CNKSR3: variants seen among roughly 807,000 people sequenced by gnomAD.
The protein encoded by CNKSR3 is connector enhancer of kinase suppressor of ras 3.
A neutral mutation model predicts 67.7 loss-of-function variants in CNKSR3; 36 were observed. That is an observed-to-expected ratio of 0.53 (90% CI 0.41 to 0.70). CNKSR3 has a LOEUF of 0.70. CNKSR3 is among the 30% of genes least tolerant of loss of function. The pLI, the probability that CNKSR3 is intolerant of heterozygous loss-of-function variation, is 0.00. For synonymous variants in CNKSR3, 281 were observed against 271.4 expected, an observed-to-expected ratio of 1.04 and a Z score of -0.35; for missense variants, 630 against 695.2, an observed-to-expected ratio of 0.91 and a Z score of 1.05.
intron 1 of CNKSR3, among the ~76,000 whole-genome samples, chr6:154,475,559 G>A (rs1215240187): frequency 1.3e-5 from 2 of 152,172 alleles, no homozygotes; most frequent in African/African-American, 4.8e-5. Flanking sequence ...GACAGATGGG[G>A]CTGATTCTGC....
rs557039922 is a variant in CNKSR3, at chr6:154,424,048, C to T, written c.730-1065G>A. ...GAGATCGAGACCATCCTGGCTAACACGGTGAAATCCCGTCTCTACTAAAAA... is the reference window on the plus strand; with the variant it reads ...GAGATCGAGACCATCCTGGCTAACATGGTGAAATCCCGTCTCTACTAAAAA... On this transcript the variant is annotated intron_variant, in intron 7 of 12. Coordinates refer to ENST00000607772, the MANE Select transcript of CNKSR3 (RefSeq NM_173515.4). Among the ~76,000 whole-genome samples, 195 of 151,998 alleles carry T rather than the reference C, an allele frequency of 1.3e-3. 3 individuals are homozygous for T. In the South Asian group the frequency reaches 0.023, roughly 18 times the overall value.
chr6:154,470,169 A>G (rs6420138), intron 1 of CNKSR3, among the ~76,000 whole-genome samples: 2 of 142,428 alleles, frequency 1.4e-5, no homozygotes, highest in Non-Finnish European at 3.0e-5. Context: ...CTCCTGTAAT[A>G]AAGAACCTAC....
intron 12 of CNKSR3, among the ~76,000 whole-genome samples, chr6:154,408,631 C>T (rs188762268): frequency 5.3e-4 from 80 of 152,152 alleles, no homozygotes; most frequent in African/African-American, 1.7e-3. Context: ...TGAAGAAGGA[C>T]GGAATTGGGA....
intron 1 of CNKSR3, among the ~76,000 whole-genome samples, chr6:154,451,131 G>A (rs1785816704): frequency 2.6e-5 from 2 of 77,920 alleles, no homozygotes; most frequent in Admixed American, 2.9e-4. Flanking sequence ...ATGGTAAATG[G>A]GTTCGCTTAC....
chr6:154,412,382 C>G (rs1584053622), intron 10 of CNKSR3, among the ~76,000 whole-genome samples: 1 of 152,296 alleles, frequency 6.6e-6, no homozygotes, highest in East Asian at 1.9e-4. Flanking sequence ...TAATCCAGCT[C>G]TCCTCCTAGC....
At chr6:154,465,410 A>G (rs763168513) in intron 1 of CNKSR3, among the ~76,000 whole-genome samples, 2 of 152,138 alleles carry the variant, frequency 1.3e-5, no homozygotes, top group African/African-American at 2.4e-5. Flanking sequence ...CACTTTCTGC[A>G]TGGCAGGTGC....
chr6:154,413,540 T>G (rs1333951260), intron 10 of CNKSR3, among the ~76,000 whole-genome samples: 1 of 152,118 alleles, frequency 6.6e-6, no homozygotes, highest in Non-Finnish European at 1.5e-5. Flanking sequence ...ACATAGGTTT[T>G]TTTTCAAGTT....
intron 1 of CNKSR3, among the ~76,000 whole-genome samples, chr6:154,453,732 G>T (rs115773263): frequency 6.6e-6 from 1 of 151,964 alleles, no homozygotes; most frequent in Admixed American, 6.6e-5. Flanking sequence ...AAACTATTAC[G>T]CAGTCCCACA....
intron 2 of CNKSR3, among the ~76,000 whole-genome samples, chr6:154,444,649 A>G (rs1296540257): frequency 6.9e-6 from 1 of 144,524 alleles, no homozygotes; most frequent in Non-Finnish European, 1.5e-5. Context: ...CTCTGTCACC[A>G]GGCTGGAGTG....
rs1243167403 is a variant in CNKSR3, at chr6:154,399,853, G to A, written c.*6501C>T. On this transcript the variant is annotated 3_prime_UTR_variant, in exon 13 of 13. Transcript: ENST00000607772. ...TGGTGAAGAAATATCTTAAAATCCA[G>A]TTTTCACCCCTCTAACAATAAAGTT... The A allele has an allele frequency of 6.6e-6, 1 of 152,022 alleles. No individual in the cohort carries two copies. The highest frequency in any genetic ancestry group is 2.4e-5 in the African/African-American group (1 of 41,384). The allele number at this position is 152,022 out of a possible 1,614,324, so 9.4% of individuals were successfully genotyped here.
At chr6:154,505,643 GCC>G (rs1787085422) in intron 1 of CNKSR3, among the ~76,000 whole-genome samples, 1 of 150,780 alleles carries the variant, frequency 6.6e-6, no homozygotes, top group Non-Finnish European at 1.5e-5. Flanking sequence ...GACTACAGGC[GCC>G]CACCACCACA....
Position 154,441,379 on chromosome 6 carries a change from C to T in CNKSR3, c.420G>A (p.Arg140=). Residue 140 remains arginine, a splice_region_variant and synonymous_variant, in exon 4 of 13, where the codon CGG becomes CGA. Coordinates refer to ENST00000607772, the MANE Select transcript of CNKSR3 (RefSeq NM_173515.4). ...AATCAGTGATCCCTGTAAACGGAGC[C>T]CTAGAAGGTAGCAACAATCCTCTTA... The part of the protein sequence containing the change: ...AAKALLAWLD[R]APFTGITDFS... The T allele has an allele frequency of 3.1e-6, 5 of 1,612,658 alleles. No individual in the cohort carries two copies. The highest frequency in any genetic ancestry group is 4.2e-6 in the Non-Finnish European group (5 of 1,178,952).
chr6:154,484,809 A>C (rs1786635303), intron 1 of CNKSR3, among the ~76,000 whole-genome samples: 1 of 149,268 alleles, frequency 6.7e-6, no homozygotes, highest in African/African-American at 2.5e-5. Context: ...AATAAAAATC[A>C]ATTGTTACCA....
chr6:154,409,556 A>G (rs887487765), intron 12 of CNKSR3, among the ~76,000 whole-genome samples: 2 of 152,206 alleles, frequency 1.3e-5, no homozygotes, highest in Non-Finnish European at 2.9e-5. Flanking sequence ...ATTTAGAATA[A>G]GATTGTTTAA....
chr6:154,406,594 CTCT>C lies in CNKSR3; in HGVS notation c.1425_1427del (p.Glu476del). On this transcript the variant is annotated inframe_deletion, in exon 13 of 13. Transcript: ENST00000607772. ...AGAACCGGTATGGGGGAGAGGAGCT[CTCT>C]TCAATGATCGGAGGAATCCGCTCGT... 1 of 1,614,238 alleles carries C rather than the reference CTCT, an allele frequency of 6.2e-7. No individual in the cohort carries two copies. Among genetic ancestry groups the C allele is most frequent in the Non-Finnish European group, 8.5e-7 (1 of 1,180,044 alleles).
chr6:154,445,771 C>G (rs1487607907), intron 2 of CNKSR3, among the ~76,000 whole-genome samples: 1 of 151,898 alleles, frequency 6.6e-6, no homozygotes, highest in Non-Finnish European at 1.5e-5. Context: ...CTTTTTCTTC[C>G]CCAAAACAAA....
At chr6:154,410,015 C>T (rs182461488) in intron 12 of CNKSR3, among the ~76,000 whole-genome samples, 1 of 152,128 alleles carries the variant, frequency 6.6e-6, no homozygotes, top group Non-Finnish European at 1.5e-5. Context: ...CCACTGCACT[C>T]CAGCCTGTGT....
chr6:154,417,673 T>C (rs1224887674), intron 9 of CNKSR3, among the ~76,000 whole-genome samples: 1 of 152,006 alleles, frequency 6.6e-6, no homozygotes, highest in Non-Finnish European at 1.5e-5. Flanking sequence ...ATGGAAGTCA[T>C]TAGGGTGGGC....
At position 154,470,188 on chromosome 6, in the gene CNKSR3, C is replaced by CTTTTTTTTTTTTTTT. The variant is rs869154714; in HGVS notation, c.53-19945_53-19931dup. On this transcript the variant is annotated intron_variant, in intron 1 of 12. Coordinates refer to ENST00000607772, the MANE Select transcript of CNKSR3 (RefSeq NM_173515.4). ...TGTAATAAAGAACCTACTTTCTTTC[C>CTTTTTTTTTTTTTTT]TTTTTTTTTTTTTTTTTTTTTTTTT... Among the ~76,000 whole-genome samples the CTTTTTTTTTTTTTTT allele has an allele frequency of 1.0e-4, 7 of 68,726 alleles. 2 individuals are homozygous for CTTTTTTTTTTTTTTT. Among genetic ancestry groups the CTTTTTTTTTTTTTTT allele is most frequent in the Non-Finnish European group, 1.3e-4 (5 of 38,384 alleles). 45.1% of individuals were successfully genotyped at this position (68,726 alleles called of 152,430 possible).
Sources: gnomAD v4.1 joint callset for allele counts (sites outside exome capture counted in the v4.1 genomes callset) on GRCh38, gnomAD v4.1.1 for gene constraint, MANE v1.5 for transcripts, NCBI Gene and HGNC (gene_info 2026-07-23, HGNC 2026-07-21) for gene names.